RBFOX1: variants seen among roughly 807,000 people sequenced by gnomAD.
RBFOX1 encodes RNA binding protein fox-1 homolog 1.
A neutral mutation model predicts 57.7 loss-of-function variants in RBFOX1; 8 were observed. The ratio of observed to expected loss-of-function variants is 0.14; its 90% CI spans 0.08 to 0.25. RBFOX1 has a LOEUF of 0.25. Ranked by LOEUF, RBFOX1 falls within the 10% of genes least tolerant of loss-of-function variation. RBFOX1 has a pLI of 1.00. For missense variants in RBFOX1, 611 were observed against 548.5 expected (o/e 1.11, Z -1.14); for synonymous variants, 326 against 222.4 (o/e 1.47, Z -4.15).
At chr16:7,399,447 CAAATAAAT>C (rs1173580173) in intron 4 of RBFOX1, among the ~76,000 whole-genome samples, 1 of 152,016 alleles carries the variant, frequency 6.6e-6, no homozygotes, top group Admixed American at 6.6e-5. Flanking sequence ...AACTCTGTCT[CAAATAAAT>C]AAATAAATGA....
chr16:5,243,165 C>G (rs958600490), intron 1 of RBFOX1, among the ~76,000 whole-genome samples: 1 of 152,292 alleles, frequency 6.6e-6, no homozygotes, highest in East Asian at 1.9e-4. Flanking sequence ...CACAGCTGTT[C>G]CTGGAGGGAG....
At chr16:6,253,017 C>A (rs1481350511) in intron 1 of RBFOX1, among the ~76,000 whole-genome samples, 2 of 152,166 alleles carry the variant, frequency 1.3e-5, no homozygotes, top group Admixed American at 6.6e-5. Context: ...TTATAATCCA[C>A]TTTTACAGAT....
chr16:5,885,619 G>C lies in RBFOX1; in HGVS notation c.351+18284G>C, dbSNP rs1296384563. Among the ~76,000 whole-genome samples the C allele has an allele frequency of 2.6e-5, 4 of 152,238 alleles. No homozygotes were observed. The South Asian group carries it at 6.2e-4, about 24-fold the overall frequency. ...TCTGAAGACCCCTGGCTTGATTGGA[G>C]TTGTCTATTCTATGTTCTCTTTCAG... On this transcript the variant is annotated intron_variant, in intron 4 of 19. Coordinates refer to the RBFOX1 transcript ENST00000641259.
At chr16:6,062,455 A>G (rs1432166082) in intron 1 of RBFOX1, among the ~76,000 whole-genome samples, 2 of 152,050 alleles carry the variant, frequency 1.3e-5, no homozygotes, top group African/African-American at 4.8e-5. Flanking sequence ...CACTTTGGAG[A>G]TCCCAATGGT....
chr16:6,180,653 C>T (rs1043159168), intron 1 of RBFOX1, among the ~76,000 whole-genome samples: 3 of 151,860 alleles, frequency 2.0e-5, no homozygotes, highest in Admixed American at 6.6e-5. Context: ...GCAATCTCCA[C>T]CTCCTGGGTT....
chr16:5,786,186 G>T (rs1359971646), intron 3 of RBFOX1, among the ~76,000 whole-genome samples: 1 of 152,104 alleles, frequency 6.6e-6, no homozygotes, highest in Non-Finnish European at 1.5e-5. Context: ...TGTTCTCTCT[G>T]CCCTTCAAAT....
intron 3 of RBFOX1, among the ~76,000 whole-genome samples, chr16:5,686,551 G>C (rs903672162): frequency 1.3e-5 from 2 of 151,914 alleles, no homozygotes; most frequent in South Asian, 2.1e-4. Flanking sequence ...CTTAATCGTG[G>C]GTCTTCTTTC....
At chr16:7,089,419 G>C (rs2060472683) in intron 4 of RBFOX1, among the ~76,000 whole-genome samples, 1 of 151,832 alleles carries the variant, frequency 6.6e-6, no homozygotes, top group Non-Finnish European at 1.5e-5. Context: ...AAAAAAAGTA[G>C]TCACGTGGGA....
intron 2 of RBFOX1, among the ~76,000 whole-genome samples, chr16:6,340,140 C>T (rs1382980486): frequency 1.3e-5 from 2 of 151,990 alleles, no homozygotes; most frequent in African/African-American, 4.8e-5. Context: ...ATATTTCTGC[C>T]CAAAATTCTT....
At chr16:6,828,927 C>G (rs962359727) in intron 3 of RBFOX1, among the ~76,000 whole-genome samples, 2 of 152,088 alleles carry the variant, frequency 1.3e-5, no homozygotes, top group South Asian at 2.1e-4. Flanking sequence ...GCATGGTGCT[C>G]TCTTGAGTCC....
At chr16:7,047,696 G>C (rs1291283348) in intron 3 of RBFOX1, among the ~76,000 whole-genome samples, 3 of 49,008 alleles carry the variant, frequency 6.1e-5, no homozygotes, top group African/African-American at 2.0e-4. Flanking sequence ...TTTGATATTT[G>C]TTCCACAGGT....
chr16:6,455,461 T>A (rs1298350623), intron 2 of RBFOX1, among the ~76,000 whole-genome samples: 1 of 152,156 alleles, frequency 6.6e-6, no homozygotes, highest in Non-Finnish European at 1.5e-5. Flanking sequence ...TAGCCTCCCG[T>A]TGAGTGGCAG....
At chr16:7,264,037 C>G (rs1228149612) in intron 4 of RBFOX1, among the ~76,000 whole-genome samples, 3 of 151,938 alleles carry the variant, frequency 2.0e-5, no homozygotes, top group Non-Finnish European at 4.4e-5. Context: ...CAACACCCTT[C>G]AAGCTAGACA....
rs534079069 is a variant in RBFOX1 at position 5,649,804 on chromosome 16, A to G, written c.318+50843A>G. ...ACAACTGCTTGTGTTGACAACATGTACATGGGGTGGATTTGATCCAGGTGT... is the reference window on the plus strand; with the variant it reads ...ACAACTGCTTGTGTTGACAACATGTGCATGGGGTGGATTTGATCCAGGTGT... On this transcript the variant is annotated intron_variant, in intron 3 of 19. Coordinates refer to the RBFOX1 transcript ENST00000641259. Among the ~76,000 whole-genome samples the G allele has an allele frequency of 5.3e-5, 8 of 152,328 alleles. No individual in the cohort carries two copies. The East Asian group carries it at 1.5e-3, about 29-fold the overall frequency.
chr16:6,623,957 C>T (rs1358153154), intron 2 of RBFOX1, among the ~76,000 whole-genome samples: 2 of 152,132 alleles, frequency 1.3e-5, no homozygotes, highest in African/African-American at 2.4e-5. Flanking sequence ...GGTATATACC[C>T]AGTAGTGGGA....
chr16:6,797,388 AAGAG>A (rs371778486), intron 3 of RBFOX1, among the ~76,000 whole-genome samples: 5 of 152,134 alleles, frequency 3.3e-5, no homozygotes, highest in Non-Finnish European at 7.4e-5. Context: ...AGGTGGTCGA[AAGAG>A]AGAGCGAGAG....
At chr16:5,583,148 A>G (rs1489462799) in intron 2 of RBFOX1, among the ~76,000 whole-genome samples, 1 of 152,216 alleles carries the variant, frequency 6.6e-6, no homozygotes, top group Non-Finnish European at 1.5e-5. Flanking sequence ...CATTCAAACA[A>G]AAAATTGTAC....
At chr16:6,410,553 C>T (rs544112658) in intron 2 of RBFOX1, among the ~76,000 whole-genome samples, 1 of 152,090 alleles carries the variant, frequency 6.6e-6, no homozygotes, top group East Asian at 1.9e-4. Context: ...CCTCATGATC[C>T]ACCCGCCTCT....
intron 1 of RBFOX1, among the ~76,000 whole-genome samples, chr16:6,215,034 G>T (rs887592850): frequency 2.3e-5 from 3 of 133,088 alleles, no homozygotes; most frequent in African/African-American, 8.5e-5. Flanking sequence ...AAAGGAAATG[G>T]AGAGGGAGAG....
Sources: gnomAD v4.1 joint callset for allele counts (sites outside exome capture counted in the v4.1 genomes callset) on GRCh38, gnomAD v4.1.1 for gene constraint, MANE v1.5 for transcripts, NCBI Gene and HGNC (gene_info 2026-07-23, HGNC 2026-07-21) for gene names.